The following SNED1 variants were observed in gnomAD, a reference collection of about 807,000 sequenced individuals.
The protein encoded by SNED1 is sushi, nidogen and EGF like domains 1, also known as sushi, nidogen and EGF-like domain-containing protein 1.
In SNED1, 81 loss-of-function variants were observed where a neutral mutation model predicts 166.7. That is an observed-to-expected ratio of 0.49 (90% CI 0.41 to 0.58). The LOEUF (loss-of-function observed/expected upper bound fraction) is 0.58, where lower values mean the gene tolerates loss of function less well. SNED1 is among the 20% of genes least tolerant of loss of function. The pLI is 0.00. For missense variants in SNED1, 1,604 were observed against 2,000.2 expected (o/e 0.80, Z 3.78); for synonymous variants, 762 against 822.0 (o/e 0.93, Z 1.25).
chr2:241,037,376 C>T (rs1243627998), intron 6 of SNED1, 23 bp downstream of exon 6: 5 of 1,516,274 alleles, frequency 3.3e-6, no homozygotes, highest in Non-Finnish European at 4.5e-6. Flanking sequence ...CACCGGGGCC[C>T]ACGGGGCCCT....
In SNED1 at chr2:241,068,160, C is replaced by T. The variant is rs192856711; in HGVS notation, c.3194+213C>T. On this transcript the variant is annotated intron_variant, in intron 22 of 31. Transcript: ENST00000310397. This position sits in a 1 kb window ranked among gnomAD's most constrained non-coding sequence, Gnocchi z 5.3. ...TCATCAGGGCTGCCAAGAGAGGATA[C>T]ACCTTGGTAGTGTTTTAAAGTGTCC... is the stretch of plus-strand genomic sequence containing the variant. Among the ~76,000 whole-genome samples, 18 of 152,286 alleles carry T rather than the reference C, an allele frequency of 1.2e-4. No homozygotes were observed. Among genetic ancestry groups the T allele is most frequent in the African/African-American group, 3.9e-4 (16 of 41,556 alleles).
Position 241,052,485 on chromosome 2 carries a change from GA to G in SNED1, c.2083+18del, listed in dbSNP as rs76903111. The G allele has an allele frequency of 4.9e-3, 7,736 of 1,565,956 alleles. 347 individuals are homozygous for G. The South Asian group carries it at 0.056, about 11-fold the overall frequency. On this transcript the variant is annotated intron_variant, in intron 15 of 31. Coordinates refer to ENST00000310397, the MANE Select transcript of SNED1 (RefSeq NM_001080437.3). ...GCCAGGCAGGTGAGAGGGTCAGGGG[GA>G]TCAAGCAGGGTACATGGGATACCAG...
intron 2 of SNED1, among the ~76,000 whole-genome samples, chr2:241,031,520 C>G (rs2061168024): frequency 6.6e-6 from 1 of 152,218 alleles, no homozygotes; most frequent in African/African-American, 2.4e-5. Flanking sequence ...CGCATCTGCC[C>G]CGTGGGGTCA....
intron 31 of SNED1, chr2:241,089,885 A>G: frequency 6.7e-7 from 1 of 1,497,828 alleles, no homozygotes; most frequent in Non-Finnish European, 8.9e-7. Context: ...GTTACTGAAT[A>G]CTGTAGGCGG....
intron 17 of SNED1, 108 bp downstream of exon 17, chr2:241,063,012 A>G (rs2062291750): frequency 4.4e-6 from 3 of 676,052 alleles, no homozygotes; most frequent in African/African-American, 1.8e-5. Context: ...CAGGGTGGCC[A>G]CTGCATGCTT....
Position 241,068,039 on chromosome 2 carries a change from G to A in SNED1, c.3194+92G>A. ...CCCAGGTCTCGGGCACATTCTCCGT[G>A]TGTGGACTGTACCACCTGCCGCTCC... On this transcript the variant is annotated intron_variant, in intron 22 of 31. Coordinates refer to ENST00000310397, the MANE Select transcript of SNED1 (RefSeq NM_001080437.3). This position sits in a 1 kb window ranked among gnomAD's most constrained non-coding sequence, Gnocchi z 5.3. The A allele has an allele frequency of 2.5e-6, 3 of 1,196,008 alleles. No individual in the cohort carries two copies. Among genetic ancestry groups the A allele is most frequent in the South Asian group, 2.9e-5 (2 of 68,378 alleles). The allele number at this position is 1,196,008 out of a possible 1,614,324, so 74.1% of individuals were successfully genotyped here.
intron 1 of SNED1, chr2:241,010,081 G>C (rs569564988): frequency 5.2e-5 from 8 of 152,390 alleles, no homozygotes; most frequent in Non-Finnish European, 1.2e-4. Flanking sequence ...ACACCTCGAG[G>C]CTGTGCTGTT....
rs145566656 is a variant in SNED1, at chr2:241,082,137, C to T, written c.4034-140C>T. On this transcript the variant is annotated intron_variant, in intron 28 of 31. Coordinates refer to ENST00000310397, the MANE Select transcript of SNED1 (RefSeq NM_001080437.3). Reference sequence around the variant, plus strand: ...CTTAGAGGAAGCCAGCTGCAGACCCCCGGGCCCTCTCCCACCATCCCGCCT... The same window carrying T: ...CTTAGAGGAAGCCAGCTGCAGACCCTCGGGCCCTCTCCCACCATCCCGCCT... 2,192 of 667,308 alleles carry T rather than the reference C, an allele frequency of 3.3e-3. 30 individuals carry two copies. In the African/African-American group the frequency reaches 0.034, roughly 10 times the overall value. 41.3% of individuals were successfully genotyped at this position (667,308 alleles called of 1,614,324 possible).
In SNED1 at chr2:241,013,310, AT is replaced by A. The variant is rs1451404580; in HGVS notation, c.213+14263del. Among the ~76,000 whole-genome samples the A allele has an allele frequency of 6.6e-6, 1 of 151,176 alleles. No individual in the cohort carries two copies. Among genetic ancestry groups the A allele is most frequent in the Non-Finnish European group, 1.5e-5 (1 of 67,756 alleles). On this transcript the variant is annotated intron_variant, in intron 1 of 31. Coordinates refer to ENST00000310397, the MANE Select transcript of SNED1 (RefSeq NM_001080437.3). The surrounding 1 kb of genome is among the most constrained non-coding windows in gnomAD (Gnocchi z 4.6). Reference sequence around the variant, plus strand: ...ATGAACTCAACTTAATTTTCATTTTATTTATTTTATTTGAGAGACAGGGTCT... The same window carrying A: ...ATGAACTCAACTTAATTTTCATTTTATTATTTTATTTGAGAGACAGGGTCT...
At position 241,049,114 on chromosome 2, in the gene SNED1, A is replaced by G. The variant is rs1171637109; in HGVS notation, c.1597A>G (p.Thr533Ala). 2.5e-6 allele frequency: 4 copies of G among 1,611,434 alleles called. No homozygotes were observed. Among genetic ancestry groups the G allele is most frequent in the African/African-American group, 2.7e-5 (2 of 75,020 alleles). Residue 533 changes from threonine to alanine, a missense_variant, in exon 11 of 32, where the codon ACC becomes GCC. Around this residue, in one of 2 missense-constraint regions of SNED1, gnomAD observed 1,237 missense variants for 1,620.8 expected, o/e 0.76. Coordinates refer to ENST00000310397, the MANE Select transcript of SNED1 (RefSeq NM_001080437.3). The stretch of plus-strand genomic sequence containing the variant: ...CGGGAGCTACCTCTGCGTCTGCCAC[A>G]CCGACCACAATGCCAGCCACTGTGA... ...HGGSYLCVCH[T>A]DHNASHSLPS... is the part of the protein sequence containing the mutation.
intron 29 of SNED1, among the ~76,000 whole-genome samples, chr2:241,082,852 CTA>C (rs2063395298): frequency 6.6e-6 from 1 of 152,234 alleles, no homozygotes; most frequent in South Asian, 2.1e-4. Context: ...TGCTAACACT[CTA>C]TGACTCTGTC....
intron 16 of SNED1, among the ~76,000 whole-genome samples, chr2:241,060,644 TA>T (rs148098122): frequency 0.032 from 4,870 of 151,500 alleles, 366 homozygotes; most frequent in East Asian, 0.21. Flanking sequence ...AATGTTTCTT[TA>T]AAAAAAAACT....
intron 28 of SNED1, 90 bp from the exon 29 acceptor site, chr2:241,082,187 C>G (rs2063359964): frequency 1.0e-5 from 11 of 1,047,732 alleles, no homozygotes; most frequent in Non-Finnish European, 1.4e-5. Context: ...CTAAGGACCC[C>G]CGGGCCCTCT....
rs1039335878 is a variant in SNED1 at position 241,093,438 on chromosome 2, T to C, written c.*1802T>C. On this transcript the variant is annotated 3_prime_UTR_variant, in exon 32 of 32. Transcript: ENST00000310397. ...CTCAGCCACACAGCAAATGCTAATA[T>C]GCTCCAGTGTTAGCTTAGAAGCCTT... is the stretch of plus-strand genomic sequence containing the variant. The C allele has an allele frequency of 1.1e-4, 17 of 149,180 alleles. No homozygotes were observed. Among genetic ancestry groups the C allele is most frequent in the African/African-American group, 4.4e-4 (17 of 38,742 alleles). 9.2% of individuals were successfully genotyped at this position (149,180 alleles called of 1,614,324 possible).
chr2:240,999,316 G>T lies in SNED1; in HGVS notation c.213+266G>T, dbSNP rs2060006234. On this transcript the variant is annotated intron_variant, in intron 1 of 31. Transcript: ENST00000310397. The surrounding 1 kb of genome is among the most constrained non-coding windows in gnomAD (Gnocchi z 5.8). ...CGGCGCCCCGGCCCCTGCCAGACCT[G>T]CCGAGCGCGTCTTCCCGGCGCCTGA... 1.3e-5 allele frequency among the ~76,000 whole-genome samples: 2 copies of T among 151,766 alleles called. No individual in the cohort carries two copies. Among genetic ancestry groups the T allele is most frequent in the African/African-American group, 4.8e-5 (2 of 41,414 alleles).
At chr2:241,048,864 C>T in intron 10 of SNED1, 98 bp downstream of exon 10, 6 of 1,221,954 alleles carry the variant, frequency 4.9e-6, no homozygotes, top group Non-Finnish European at 7.0e-6. Flanking sequence ...TCCAGACTGT[C>T]GACCATTGGT....
At chr2:241,009,682 C>G (rs186514726) in intron 1 of SNED1, among the ~76,000 whole-genome samples, 7 of 152,130 alleles carry the variant, frequency 4.6e-5, no homozygotes, top group Non-Finnish European at 1.0e-4. Context: ...CTCCCCTGTC[C>G]GGGGGCGCTG....
intron 1 of SNED1, among the ~76,000 whole-genome samples, chr2:241,005,529 C>T (rs2060198559): frequency 6.6e-6 from 1 of 152,036 alleles, no homozygotes; most frequent in Admixed American, 6.6e-5. Context: ...ATATCATTTT[C>T]CTTCTGCTTG....
Position 241,013,915 on chromosome 2 carries a change from G to C in SNED1, c.213+14865G>C, listed in dbSNP as rs755460075. 7.9e-5 allele frequency among the ~76,000 whole-genome samples: 12 copies of C among 152,076 alleles called. No homozygotes were observed. Among genetic ancestry groups the C allele is most frequent in the Non-Finnish European group, 1.6e-4 (11 of 68,034 alleles). ...TGAGATACTGGTTTCATTTCATTGG[G>C]TATATACTCAGAAGTGGGATTGCTA... On this transcript the variant is annotated intron_variant, in intron 1 of 31. Transcript: ENST00000310397. The surrounding 1 kb of genome is among the most constrained non-coding windows in gnomAD (Gnocchi z 4.6).
Sources: allele counts gnomAD v4.1 joint callset (sites outside exome capture counted in the v4.1 genomes callset), GRCh38; gene constraint gnomAD v4.1.1; regional missense constraint gnomAD v4.1.1; non-coding constraint Gnocchi (gnomAD v3.1); transcripts MANE v1.5; gene names NCBI Gene and HGNC (gene_info 2026-07-23, HGNC 2026-07-21).